Variants in BMP5 observed in about 807,000 individuals in gnomAD.
BMP5 encodes bone morphogenetic protein 5.
BMP5 carries 23 observed loss-of-function variants against 46.6 expected under a neutral mutation model. That is an observed-to-expected ratio of 0.49 (90% CI 0.35 to 0.70). The LOEUF (loss-of-function observed/expected upper bound fraction) is 0.70, where lower values mean the gene tolerates loss of function less well. BMP5 is among the 30% of genes least tolerant of loss of function. BMP5 has a pLI of 0.00. For missense variants in BMP5, 545 were observed against 565.6 expected (o/e 0.96, Z 0.37); for synonymous variants, 204 against 191.9 (o/e 1.06, Z -0.52).
intron 1 of BMP5, among the ~76,000 whole-genome samples, chr6:55,835,498 G>A (rs961250360): frequency 6.6e-6 from 1 of 152,114 alleles, no homozygotes; most frequent in Non-Finnish European, 1.5e-5. Context: ...AGCTCTATTC[G>A]TATTTACTGA....
At chr6:55,843,031 A>G (rs1360110042) in intron 1 of BMP5, among the ~76,000 whole-genome samples, 2 of 152,142 alleles carry the variant, frequency 1.3e-5, no homozygotes, top group African/African-American at 4.8e-5. Context: ...AAACATCACT[A>G]AATCTCCCTA....
chr6:55,849,419 T>C (rs1316735969), intron 1 of BMP5, among the ~76,000 whole-genome samples: 1 of 151,992 alleles, frequency 6.6e-6, no homozygotes, highest in African/African-American at 2.4e-5. Flanking sequence ...TTACATAAGA[T>C]GATTGAGGAA....
intron 2 of BMP5, among the ~76,000 whole-genome samples, chr6:55,812,441 T>A (rs918125119): frequency 6.6e-6 from 1 of 152,196 alleles, no homozygotes; most frequent in Non-Finnish European, 1.5e-5. Flanking sequence ...AAATAATTCA[T>A]AGATTAGATG....
Position 55,794,375 on chromosome 6 carries a change from C to A in BMP5, c.736G>T (p.Gly246Cys), listed in dbSNP as rs1775654619. The change falls in exon 3 of 7, where the codon GGT (glycine) becomes TGT (cysteine). Residue 246 changes from glycine (G) to cysteine (C), a missense_variant. Physicochemically the swap from Gly to Cys is radical, Grantham distance 159. Transcript: ENST00000370830. Reference sequence around the variant, plus strand: ...ACAGTGATATCAAAGACAAGCCAACCCACATCTAAAGCTTGGGCCTTTCTT... The same window carrying A: ...ACAGTGATATCAAAGACAAGCCAACACACATCTAAAGCTTGGGCCTTTCTT... ...DTRKAQALDV[G>C]WLVFDITVTS... is the part of the protein sequence containing the mutation. 3.1e-6 allele frequency: 5 copies of A among 1,613,838 alleles called. No homozygotes were observed. The highest frequency in any genetic ancestry group is 3.4e-6 in the Non-Finnish European group (4 of 1,179,918).
In BMP5 at chr6:55,824,749, A is replaced by G. The variant is rs572205024; in HGVS notation, c.491-4902T>C. 3.2e-4 allele frequency among the ~76,000 whole-genome samples: 48 copies of G among 151,934 alleles called. 1 individual carries two copies. Among genetic ancestry groups the G allele is most frequent in the Non-Finnish European group, 7.4e-5 (5 of 67,904 alleles). ...TGTGTCAATCAATTTGCTTCTAATAATTGTATTTAAAAGGAGACCACAGCA... is the reference window on the plus strand; with the variant it reads ...TGTGTCAATCAATTTGCTTCTAATAGTTGTATTTAAAAGGAGACCACAGCA... On this transcript the variant is annotated intron_variant, in intron 1 of 6. Coordinates refer to ENST00000370830, the MANE Select transcript of BMP5 (RefSeq NM_021073.4).
chr6:55,827,814 G>C (rs1776567338), intron 1 of BMP5, among the ~76,000 whole-genome samples: 1 of 151,794 alleles, frequency 6.6e-6, no homozygotes, highest in Non-Finnish European at 1.5e-5. Flanking sequence ...TGATGAATGA[G>C]TATATTTACT....
intron 1 of BMP5, among the ~76,000 whole-genome samples, chr6:55,829,734 A>G (rs559485875): frequency 2.4e-4 from 36 of 152,078 alleles, no homozygotes; most frequent in African/African-American, 7.9e-4. Flanking sequence ...CATTTATCTT[A>G]TGGTTATTAT....
intron 1 of BMP5, among the ~76,000 whole-genome samples, chr6:55,859,202 T>C (rs1345967502): frequency 1.3e-5 from 2 of 152,168 alleles, no homozygotes; most frequent in South Asian, 2.1e-4. Context: ...CACTGGTTAG[T>C]TTCAATTATC....
At chr6:55,850,354 GTAGATAGATAGA>G (rs57677270) in intron 1 of BMP5, among the ~76,000 whole-genome samples, 1,325 of 83,208 alleles carry the variant, frequency 0.016, 13 homozygotes, top group Middle Eastern at 0.02. Context: ...AGGTAAGTAG[GTAGATAGATAGA>G]TAGATAGATA....
At chr6:55,828,365 A>C (rs1219405967) in intron 1 of BMP5, among the ~76,000 whole-genome samples, 5 of 151,832 alleles carry the variant, frequency 3.3e-5, no homozygotes, top group African/African-American at 1.2e-4. Context: ...AAAAGGTCAG[A>C]AGTCACATGA....
intron 3 of BMP5, among the ~76,000 whole-genome samples, chr6:55,790,765 A>C (rs889008068): frequency 5.3e-5 from 8 of 152,116 alleles, no homozygotes; most frequent in Non-Finnish European, 8.8e-5. Flanking sequence ...TTTCTTACGA[A>C]TCTAACTGCT....
At chr6:55,867,744 A>G (rs909539900) in intron 1 of BMP5, among the ~76,000 whole-genome samples, 5 of 152,134 alleles carry the variant, frequency 3.3e-5, no homozygotes, top group African/African-American at 1.2e-4. Flanking sequence ...TCCACAGATT[A>G]TGTAGCTGCT....
chr6:55,806,816 AT>A (rs1776001952), intron 2 of BMP5, among the ~76,000 whole-genome samples: 1 of 151,992 alleles, frequency 6.6e-6, no homozygotes, highest in South Asian at 2.1e-4. Flanking sequence ...TAGGCATTTT[AT>A]TCTCTTTGTA....
intron 1 of BMP5, among the ~76,000 whole-genome samples, chr6:55,858,019 T>C (rs940784187): frequency 1.3e-5 from 2 of 152,216 alleles, no homozygotes; most frequent in African/African-American, 4.8e-5. Context: ...ATGACAGGCA[T>C]GCACCACCAC....
intron 2 of BMP5, among the ~76,000 whole-genome samples, chr6:55,802,802 T>C (rs1775880964): frequency 6.6e-6 from 1 of 151,336 alleles, no homozygotes; most frequent in Admixed American, 6.6e-5. Context: ...TATTAAATAA[T>C]TCTTTTTTTC....
intron 2 of BMP5, among the ~76,000 whole-genome samples, chr6:55,797,035 C>T (rs1361342821): frequency 6.6e-6 from 1 of 152,068 alleles, no homozygotes; most frequent in Non-Finnish European, 1.5e-5. Context: ...CTCCTTTCTC[C>T]TTTCATATAC....
At chr6:55,868,303 A>G (rs556049549) in intron 1 of BMP5, among the ~76,000 whole-genome samples, 5 of 152,296 alleles carry the variant, frequency 3.3e-5, no homozygotes, top group Admixed American at 1.3e-4. Context: ...TTTTTTCTAG[A>G]AAGAAATTGA....
intron 6 of BMP5, among the ~76,000 whole-genome samples, chr6:55,757,646 T>G (rs1774642787): frequency 6.6e-6 from 1 of 151,982 alleles, no homozygotes; most frequent in Non-Finnish European, 1.5e-5. Context: ...TATCAGACTT[T>G]AAATCCCCCC....
chr6:55,860,273 C>CA, intron 1 of BMP5, among the ~76,000 whole-genome samples: 1 of 152,114 alleles, frequency 6.6e-6, no homozygotes, highest in East Asian at 1.9e-4. Context: ...GATCCTGTCT[C>CA]AAAAAATTTT....
Sources: allele counts gnomAD v4.1 joint callset (sites outside exome capture counted in the v4.1 genomes callset), GRCh38; gene constraint gnomAD v4.1.1; transcripts MANE v1.5; gene names NCBI Gene and HGNC (gene_info 2026-07-23, HGNC 2026-07-21).